Variants in PTPRD observed in about 807,000 individuals in gnomAD.
The protein encoded by PTPRD is protein tyrosine phosphatase receptor type D.
A neutral mutation model predicts 214.5 loss-of-function variants in PTPRD; 34 were observed. The observed-to-expected ratio is 0.16, with a 90% CI of 0.12 to 0.21. The LOEUF (loss-of-function observed/expected upper bound fraction) is 0.21, where lower values mean the gene tolerates loss of function less well. Among genes scored for constraint, PTPRD ranks in the 10% least tolerant of loss-of-function variants. The probability of loss-of-function intolerance (pLI) is 1.00; values close to 1 mark genes in which losing one functional copy is unlikely to be tolerated. For missense variants in PTPRD, 2,545 were observed against 2,398.7 expected (o/e 1.06, Z -1.27); for synonymous variants, 1,128 against 845.7 (o/e 1.33, Z -5.79).
At chr9:9,702,533 G>A (rs970750960) in intron 7 of PTPRD, among the ~76,000 whole-genome samples, 4 of 152,088 alleles carry the variant, frequency 2.6e-5, no homozygotes, top group Admixed American at 6.5e-5. Flanking sequence ...GTGGTTATTG[G>A]GAAATAGATT....
intron 8 of PTPRD, among the ~76,000 whole-genome samples, chr9:9,519,232 C>T (rs1437337134): frequency 2.6e-5 from 4 of 151,486 alleles, no homozygotes; most frequent in African/African-American, 7.3e-5. Context: ...GACTTTAATG[C>T]ATACCTAGGA....
chr9:8,767,593 G>C (rs1278941659), intron 11 of PTPRD, among the ~76,000 whole-genome samples: 1 of 152,160 alleles, frequency 6.6e-6, no homozygotes, highest in East Asian at 1.9e-4. Flanking sequence ...TAATAGATGG[G>C]TGGCCATGAT....
At chr9:9,525,136 C>T (rs1283954572) in intron 8 of PTPRD, among the ~76,000 whole-genome samples, 2 of 152,192 alleles carry the variant, frequency 1.3e-5, no homozygotes, top group East Asian at 1.9e-4. Context: ...GGATTACAGG[C>T]GTGAGCCACC....
At chr9:9,922,913 A>G (rs966583303) in intron 5 of PTPRD, among the ~76,000 whole-genome samples, 1 of 151,788 alleles carries the variant, frequency 6.6e-6, no homozygotes, top group Non-Finnish European at 1.5e-5. Flanking sequence ...AAATCATGCT[A>G]TAAAGAATTG....
At chr9:9,738,586 G>A (rs768264342) in intron 6 of PTPRD, among the ~76,000 whole-genome samples, 5 of 151,382 alleles carry the variant, frequency 3.3e-5, no homozygotes, top group East Asian at 3.9e-4. Flanking sequence ...TTACAGGCAC[G>A]TGCCACCATC....
chr9:9,567,616 G>C (rs546063271), intron 8 of PTPRD, among the ~76,000 whole-genome samples: 1 of 152,076 alleles, frequency 6.6e-6, no homozygotes, highest in South Asian at 2.1e-4. Flanking sequence ...GAAGGATGTA[G>C]TACACCAACA....
intron 4 of PTPRD, among the ~76,000 whole-genome samples, chr9:9,981,418 G>A (rs1418147236): frequency 1.3e-5 from 2 of 149,404 alleles, no homozygotes; most frequent in African/African-American, 5.0e-5. Flanking sequence ...GCAGTGGCAC[G>A]ATCTCGGCTC....
chr9:9,258,035 G>A (rs1025892318), intron 9 of PTPRD, among the ~76,000 whole-genome samples: 8 of 151,974 alleles, frequency 5.3e-5, no homozygotes, highest in African/African-American at 1.4e-4. Flanking sequence ...TAGTGGTAAT[G>A]AAAGAATTTA....
At chr9:8,910,706 C>T (rs1305655972) in intron 11 of PTPRD, among the ~76,000 whole-genome samples, 4 of 151,894 alleles carry the variant, frequency 2.6e-5, no homozygotes. Flanking sequence ...CTGTTATAAG[C>T]AAAAGAAAAT....
intron 2 of PTPRD, among the ~76,000 whole-genome samples, chr9:10,425,288 A>G (rs971109357): frequency 6.6e-6 from 1 of 151,994 alleles, no homozygotes; most frequent in Non-Finnish European, 1.5e-5. Context: ...AAAAAATCCA[A>G]TAATGTTTCA....
chr9:9,366,087 G>C (rs541344360), intron 9 of PTPRD, among the ~76,000 whole-genome samples: 191 of 151,544 alleles, frequency 1.3e-3, no homozygotes, highest in African/African-American at 4.4e-3. Context: ...TCTATTGCAT[G>C]AGAATTCAAA....
At chr9:10,554,187 TC>T (rs2061967815) in intron 2 of PTPRD, among the ~76,000 whole-genome samples, 1 of 152,308 alleles carries the variant, frequency 6.6e-6, no homozygotes, top group East Asian at 1.9e-4. Context: ...ACTCTACTGT[TC>T]CTTGCCCTTA....
Position 8,314,715 on chromosome 9 carries a change from G to C in PTPRD, c.*3159C>G, listed in dbSNP as rs767332180. The stretch of plus-strand genomic sequence containing the variant: ...TAAACAGGAAAGAAAAAAAATACGT[G>C]CATTACTGCAGACTTTTTTCCCTTC... On this transcript the variant is annotated 3_prime_UTR_variant, in exon 46 of 46. Transcript: ENST00000381196. 4.3e-6 allele frequency: 1 copy of C among 232,018 alleles called. No individual in the cohort carries two copies. 14.4% of individuals were successfully genotyped at this position (232,018 alleles called of 1,614,324 possible).
chr9:9,189,380 C>T (rs1285983812), intron 9 of PTPRD, among the ~76,000 whole-genome samples: 2 of 151,974 alleles, frequency 1.3e-5, no homozygotes, highest in African/African-American at 4.8e-5. Context: ...GAATCTAGGC[C>T]TTTTAATCCG....
intron 3 of PTPRD, among the ~76,000 whole-genome samples, chr9:10,266,654 C>T (rs560429469): frequency 1.3e-5 from 2 of 152,090 alleles, no homozygotes; most frequent in East Asian, 3.9e-4. Context: ...AAAGAGAATA[C>T]TTAGCAAGGA....
Position 10,231,989 on chromosome 9 carries a change from A to AGAGAGTGTGTGTGT in PTPRD, c.-545+108973_-545+108974insACACACACACTCTC, listed in dbSNP as rs1245284728. Among the ~76,000 whole-genome samples, 115 of 92,500 alleles carry AGAGAGTGTGTGTGT rather than the reference A, an allele frequency of 1.2e-3. 1 individual carries two copies. The highest frequency in any genetic ancestry group is 4.7e-3 in the African/African-American group (89 of 18,962). The allele number at this position is 92,500 out of a possible 152,430, so 60.7% of individuals were successfully genotyped here. On this transcript the variant is annotated intron_variant, in intron 3 of 45. Coordinates refer to ENST00000381196, the MANE Select transcript of PTPRD (RefSeq NM_002839.4). Reference sequence around the variant, plus strand: ...GAGAGAGAGAGAGAGAGAGAGAGAGAGTGTGTGTGTGTGTGTGTGTGTGTG... The same window carrying AGAGAGTGTGTGTGT: ...GAGAGAGAGAGAGAGAGAGAGAGAGAGAGAGTGTGTGTGTGTGTGTGTGTGTGTGTGTGTGTGTG...
chr9:9,947,252 C>A (rs2092689044), intron 4 of PTPRD, among the ~76,000 whole-genome samples: 1 of 121,398 alleles, frequency 8.2e-6, no homozygotes, highest in Non-Finnish European at 1.6e-5. Context: ...TTTAGATATC[C>A]AAATTCTTTT....
At chr9:10,508,766 G>C (rs375095740) in intron 2 of PTPRD, among the ~76,000 whole-genome samples, 1 of 152,140 alleles carries the variant, frequency 6.6e-6, no homozygotes, top group East Asian at 1.9e-4. Context: ...GACACAGGAA[G>C]GGGAACATCA....
rs530151343 is a variant in PTPRD, at chr9:9,552,898, C to T, written c.-237+21834G>A. Among the ~76,000 whole-genome samples, 9 of 152,178 alleles carry T rather than the reference C, an allele frequency of 5.9e-5. No individual in the cohort carries two copies. The East Asian group carries it at 1.7e-3, about 29-fold the overall frequency. On this transcript the variant is annotated intron_variant, in intron 8 of 45. Coordinates refer to ENST00000381196, the MANE Select transcript of PTPRD (RefSeq NM_002839.4). ...ACAGCTGCTATTCTGACATGGATCA[C>T]AGACAAGCTCTACTGACAGTGCTAG...
Sources: allele counts gnomAD v4.1 joint callset (sites outside exome capture counted in the v4.1 genomes callset), GRCh38; gene constraint gnomAD v4.1.1; transcripts MANE v1.5; gene names NCBI Gene and HGNC (gene_info 2026-07-23, HGNC 2026-07-21).